Variants in SLC44A5 observed in about 807,000 individuals in gnomAD.
SLC44A5 encodes choline transporter-like protein 5.
In SLC44A5, 57 loss-of-function variants were observed where a neutral mutation model predicts 101.8. That is an observed-to-expected ratio of 0.56 (90% CI 0.45 to 0.70). SLC44A5 has a LOEUF of 0.70. SLC44A5 is among the 30% of genes least tolerant of loss of function. The pLI is 0.00. For missense variants in SLC44A5, 737 were observed against 853.1 expected, an observed-to-expected ratio of 0.86 and a Z score of 1.70; for synonymous variants, 281 against 290.9, an observed-to-expected ratio of 0.97 and a Z score of 0.35.
chr1:75,302,404 C>G (rs963843133), intron 4 of SLC44A5, among the ~76,000 whole-genome samples: 1 of 152,034 alleles, frequency 6.6e-6, no homozygotes, highest in Non-Finnish European at 1.5e-5. Context: ...GGGATATAAT[C>G]AGAAGCACCA....
At chr1:75,520,726 A>C (rs1192482004) in intron 2 of SLC44A5, among the ~76,000 whole-genome samples, 1 of 152,210 alleles carries the variant, frequency 6.6e-6, no homozygotes, top group Non-Finnish European at 1.5e-5. Flanking sequence ...GCATAAGTTA[A>C]AATAGCATCA....
At chr1:75,463,707 AAAGG>A (rs1666646539) in intron 2 of SLC44A5, among the ~76,000 whole-genome samples, 1 of 152,212 alleles carries the variant, frequency 6.6e-6, no homozygotes, top group African/African-American at 2.4e-5. Flanking sequence ...AAGAAATGTT[AAAGG>A]GAGTACTTCA....
chr1:75,370,581 A>G (rs1015668762), intron 3 of SLC44A5, among the ~76,000 whole-genome samples: 1 of 152,194 alleles, frequency 6.6e-6, no homozygotes, highest in African/African-American at 2.4e-5. Context: ...AGAAGATGGA[A>G]GTAACAAAAT....
intron 6 of SLC44A5, among the ~76,000 whole-genome samples, chr1:75,255,003 T>C (rs1453862866): frequency 6.6e-6 from 1 of 152,162 alleles, no homozygotes; most frequent in Non-Finnish European, 1.5e-5. Flanking sequence ...CCATGACCTG[T>C]GGGTTGCACA....
At chr1:75,392,795 A>G (rs563672547) in intron 3 of SLC44A5, among the ~76,000 whole-genome samples, 7 of 152,360 alleles carry the variant, frequency 4.6e-5, no homozygotes, top group African/African-American at 1.7e-4. Flanking sequence ...ACTGTGGTAC[A>G]TATACACCAG....
chr1:75,677,287 A>T, the SLC44A5 span, among the ~76,000 whole-genome samples: 1 of 152,194 alleles, frequency 6.6e-6, no homozygotes, highest in East Asian at 1.9e-4. Flanking sequence ...AACTACAAAA[A>T]CTTTTCAAGA....
chr1:75,417,235 G>A (rs755481890), intron 2 of SLC44A5, among the ~76,000 whole-genome samples: 19 of 152,122 alleles, frequency 1.2e-4, no homozygotes, highest in African/African-American at 3.4e-4. Context: ...TGGGACTCAC[G>A]AGATCTGATG....
chr1:75,217,762 C>T (rs989731661), intron 18 of SLC44A5, 104 bp downstream of exon 18: 11 of 749,238 alleles, frequency 1.5e-5, no homozygotes, highest in Middle Eastern at 4.6e-4. Flanking sequence ...CCAAATATGC[C>T]CTTTCATCCT....
intron 11 of SLC44A5, among the ~76,000 whole-genome samples, chr1:75,235,972 CAT>C (rs1648041883): frequency 6.6e-6 from 1 of 151,982 alleles, no homozygotes; most frequent in Non-Finnish European, 1.5e-5. Flanking sequence ...CATGTACACA[CAT>C]GATGGGTATG....
intron 3 of SLC44A5, among the ~76,000 whole-genome samples, chr1:75,363,236 T>C (rs1271837454): frequency 6.6e-6 from 1 of 152,096 alleles, no homozygotes; most frequent in African/African-American, 2.4e-5. Context: ...AGTTGGGTCT[T>C]ATTTTTTTAA....
chr1:75,247,587 G>A (rs571001117), intron 7 of SLC44A5, among the ~76,000 whole-genome samples: 1 of 152,186 alleles, frequency 6.6e-6, no homozygotes, highest in South Asian at 2.1e-4. Flanking sequence ...CAAGCTTCTT[G>A]TGGGAGGGAA....
chr1:75,219,443 C>A (rs1444167494), intron 15 of SLC44A5, 99 bp from the exon 16 acceptor site: 3 of 802,642 alleles, frequency 3.7e-6, no homozygotes, highest in Non-Finnish European at 6.4e-6. Context: ...GAGAAATTAA[C>A]TTAAAAAATG....
At chr1:75,227,075 G>C (rs1472227340) in intron 13 of SLC44A5, among the ~76,000 whole-genome samples, 3 of 152,066 alleles carry the variant, frequency 2.0e-5, no homozygotes, top group Admixed American at 6.6e-5. Context: ...CAAGTTTCAG[G>C]CTGGGCACGG....
At chr1:75,303,700 T>G (rs1444471594) in intron 4 of SLC44A5, among the ~76,000 whole-genome samples, 1 of 152,200 alleles carries the variant, frequency 6.6e-6, no homozygotes, top group Non-Finnish European at 1.5e-5. Context: ...CCCACCCAAC[T>G]ATTTCCCCAG....
At chr1:75,461,750 C>T (rs1318796516) in intron 2 of SLC44A5, among the ~76,000 whole-genome samples, 1 of 152,118 alleles carries the variant, frequency 6.6e-6, no homozygotes, top group African/African-American at 2.4e-5. Context: ...CTAAAAAGCC[C>T]TTGGGCCTTA....
chr1:75,436,190 T>C (rs370819192), intron 2 of SLC44A5, among the ~76,000 whole-genome samples: 3 of 152,132 alleles, frequency 2.0e-5, no homozygotes, highest in African/African-American at 7.2e-5. Context: ...AAATTATGTG[T>C]GTGTGTAAAA....
chr1:75,485,079 T>C (rs553734885), intron 2 of SLC44A5, among the ~76,000 whole-genome samples: 4 of 152,276 alleles, frequency 2.6e-5, no homozygotes, highest in Non-Finnish European at 5.9e-5. Context: ...CCCCATTGTC[T>C]TGGCTATTAG....
chr1:75,641,609 T>C, the SLC44A5 span: 2 of 1,503,588 alleles, frequency 1.3e-6, no homozygotes, highest in Non-Finnish European at 9.3e-7. Context: ...TTCTTTGGGA[T>C]TATTTGGGTC....
At chr1:75,417,187 G>C (rs1663707440) in intron 2 of SLC44A5, among the ~76,000 whole-genome samples, 1 of 152,070 alleles carries the variant, frequency 6.6e-6, no homozygotes, top group African/African-American at 2.4e-5. Flanking sequence ...TAGAATCATG[G>C]GGACAGGTTT....
Sources: allele counts gnomAD v4.1 joint callset (sites outside exome capture counted in the v4.1 genomes callset), GRCh38; gene constraint gnomAD v4.1.1; transcripts MANE v1.5; gene names NCBI Gene and HGNC (gene_info 2026-07-23, HGNC 2026-07-21).